BANK1: variants seen among roughly 807,000 people sequenced by gnomAD.
The protein encoded by BANK1 is B cell scaffold protein with ankyrin repeats 1, also known as B-cell scaffold protein with ankyrin repeats.
BANK1 carries 95 observed loss-of-function variants against 94.5 expected under a neutral mutation model. The ratio of observed to expected loss-of-function variants is 1.00; its 90% CI spans 0.85 to 1.19. BANK1 has a LOEUF of 1.19. BANK1 is among the 50% of genes most tolerant of loss of function. The pLI is 0.00. For missense variants in BANK1, 987 were observed against 932.2 expected (o/e 1.06, Z -0.77); for synonymous variants, 334 against 308.4 (o/e 1.08, Z -0.87).
chr4:102,058,177 T>C (rs1728291716), intron 11 of BANK1, among the ~76,000 whole-genome samples: 1 of 152,126 alleles, frequency 6.6e-6, no homozygotes, highest in African/African-American at 2.4e-5. Flanking sequence ...GCCAGTCTCC[T>C]AGTAAATAAT....
At chr4:101,857,469 CTA>C (rs1560604184) in intron 3 of BANK1, among the ~76,000 whole-genome samples, 1 of 152,156 alleles carries the variant, frequency 6.6e-6, no homozygotes, top group Non-Finnish European at 1.5e-5. Flanking sequence ...GACCTGCCTC[CTA>C]GAGAAATTCT....
rs888253785 is a variant in BANK1, at chr4:102,019,788, A to G, written c.1207-1726A>G. Among the ~76,000 whole-genome samples the G allele has an allele frequency of 3.3e-5, 5 of 151,506 alleles. No homozygotes were observed. The East Asian group carries it at 9.8e-4, about 30-fold the overall frequency. On this transcript the variant is annotated intron_variant, in intron 7 of 16. Transcript: ENST00000322953. ...TAAGAAGCATTGGTTTTTTAGCATA[A>G]ATATTTCTACAGAGCATTTTATTCT...
chr4:102,019,437 T>C (rs1726817454), intron 7 of BANK1, among the ~76,000 whole-genome samples: 1 of 152,220 alleles, frequency 6.6e-6, no homozygotes, highest in Admixed American at 6.5e-5. Context: ...GCTTACATTA[T>C]TCTGATTTAA....
chr4:101,957,589 G>C (rs1193253866), intron 7 of BANK1, among the ~76,000 whole-genome samples: 1 of 152,004 alleles, frequency 6.6e-6, no homozygotes, highest in African/African-American at 2.4e-5. Context: ...AAAACTCTTG[G>C]GACACTGACC....
chr4:102,040,010 A>AT (rs1432831969), intron 10 of BANK1, among the ~76,000 whole-genome samples: 1 of 152,072 alleles, frequency 6.6e-6, no homozygotes, highest in Non-Finnish European at 1.5e-5. Flanking sequence ...AATTGCACAG[A>AT]TTTTTATCAC....
chr4:102,063,004 A>T, intron 12 of BANK1, 71 bp from the exon 13 acceptor site: 1 of 1,188,432 alleles, frequency 8.4e-7, no homozygotes, highest in Non-Finnish European at 1.2e-6. Context: ...TGCTAATAGT[A>T]GTTGATGTTT....
At chr4:101,919,908 A>C (rs1370643292) in intron 7 of BANK1, among the ~76,000 whole-genome samples, 1 of 152,046 alleles carries the variant, frequency 6.6e-6, no homozygotes, top group African/African-American at 2.4e-5. Context: ...ATGTGTAGTT[A>C]AGAAAATGAA....
chr4:101,936,219 A>G (rs953222056), intron 7 of BANK1, among the ~76,000 whole-genome samples: 2 of 142,234 alleles, frequency 1.4e-5, no homozygotes, highest in African/African-American at 5.0e-5. Context: ...ATATATGTAC[A>G]TGTACACATA....
intron 1 of BANK1, among the ~76,000 whole-genome samples, chr4:101,821,652 T>TTTTG (rs781265071): frequency 8.5e-5 from 13 of 152,212 alleles, no homozygotes; most frequent in African/African-American, 2.2e-4. Context: ...GTTTGGGTTT[T>TTTTG]TTTGTTTGTT....
intron 11 of BANK1, among the ~76,000 whole-genome samples, chr4:102,054,787 A>C (rs571972949): frequency 6.6e-6 from 1 of 152,236 alleles, no homozygotes; most frequent in South Asian, 2.1e-4. Flanking sequence ...GAGTTATTCT[A>C]CCAAGGTCTG....
chr4:101,813,715 T>A (rs1725799262), intron 1 of BANK1: 1 of 194,618 alleles, frequency 5.1e-6, no homozygotes, highest in African/African-American at 2.4e-5. Context: ...CCTTGCTATC[T>A]TGTAAACTCC....
At chr4:101,835,854 A>G (rs1726803748) in intron 2 of BANK1, among the ~76,000 whole-genome samples, 2 of 152,126 alleles carry the variant, frequency 1.3e-5, no homozygotes, top group Admixed American at 1.3e-4. Flanking sequence ...CATACTGTAT[A>G]CTAGGGTAAT....
chr4:101,916,923 G>A (rs1416454294), intron 6 of BANK1, among the ~76,000 whole-genome samples: 1 of 151,972 alleles, frequency 6.6e-6, no homozygotes, highest in Non-Finnish European at 1.5e-5. Context: ...TGAAACAAAT[G>A]TACACTGTAG....
At chr4:101,985,444 A>G (rs1023038910) in intron 7 of BANK1, among the ~76,000 whole-genome samples, 1 of 152,192 alleles carries the variant, frequency 6.6e-6, no homozygotes, top group South Asian at 2.1e-4. Context: ...AAAATTAACA[A>G]TCACTAAATC....
At chr4:101,962,899 T>C (rs1724621847) in intron 7 of BANK1, among the ~76,000 whole-genome samples, 1 of 152,140 alleles carries the variant, frequency 6.6e-6, no homozygotes, top group Admixed American at 6.6e-5. Flanking sequence ...CATTGATATA[T>C]GTATTTGAAA....
intron 2 of BANK1, among the ~76,000 whole-genome samples, chr4:101,836,969 C>T (rs2148866104): frequency 6.6e-6 from 1 of 152,256 alleles, no homozygotes; most frequent in East Asian, 1.9e-4. Flanking sequence ...CTTCATCTTC[C>T]ATTTCACAGT....
chr4:101,992,640 T>C, intron 7 of BANK1, among the ~76,000 whole-genome samples: 1 of 152,178 alleles, frequency 6.6e-6, no homozygotes, highest in East Asian at 1.9e-4. Flanking sequence ...GTATGACTAA[T>C]TCTGCACACA....
chr4:101,857,039 G>GAAATCATGT (rs1036169833), intron 3 of BANK1, among the ~76,000 whole-genome samples: 2 of 151,962 alleles, frequency 1.3e-5, no homozygotes, highest in Admixed American at 6.6e-5. Flanking sequence ...CCACTGAGTG[G>GAAATCATGT]AAATCATGTT....
At chr4:102,051,789 G>T (rs1728055846) in intron 11 of BANK1, among the ~76,000 whole-genome samples, 1 of 152,166 alleles carries the variant, frequency 6.6e-6, no homozygotes, top group Admixed American at 6.5e-5. Flanking sequence ...AGTTGAAAGT[G>T]GGGGTAGGAG....
Sources: gnomAD v4.1 joint callset for allele counts (sites outside exome capture counted in the v4.1 genomes callset) on GRCh38, gnomAD v4.1.1 for gene constraint, MANE v1.5 for transcripts, NCBI Gene and HGNC (gene_info 2026-07-23, HGNC 2026-07-21) for gene names.